Variants in RTN4 observed in about 807,000 individuals in gnomAD.
The protein encoded by RTN4 is reticulon-4.
In RTN4, 32 loss-of-function variants were observed where a neutral mutation model predicts 90.4. That is an observed-to-expected ratio of 0.35 (90% CI 0.27 to 0.48). RTN4 has a LOEUF of 0.48. Among genes scored for constraint, RTN4 ranks in the 20% least tolerant of loss-of-function variants. The pLI is 0.99. For synonymous variants in RTN4, 629 were observed against 552.5 expected (o/e 1.14, Z -1.94); for missense variants, 1,706 against 1,430.2 (o/e 1.19, Z -3.11).
At chr2:55,111,187 T>A (rs1172036586) in intron 1 of RTN4, among the ~76,000 whole-genome samples, 1 of 152,220 alleles carries the variant, frequency 6.6e-6, no homozygotes, top group Non-Finnish European at 1.5e-5. Context: ...AGCTGCAAAG[T>A]TGCTTTTTAT....
intron 1 of RTN4, among the ~76,000 whole-genome samples, chr2:55,048,336 T>C (rs946517820): frequency 1.3e-5 from 2 of 152,220 alleles, no homozygotes; most frequent in African/African-American, 4.8e-5. Context: ...ACTAAATTTA[T>C]CTTTAGATAT....
At chr2:55,012,963 T>C (rs1349775730) in intron 3 of RTN4, among the ~76,000 whole-genome samples, 1 of 152,212 alleles carries the variant, frequency 6.6e-6, no homozygotes, top group Non-Finnish European at 1.5e-5. Flanking sequence ...TTTATTTTGT[T>C]TTCCTTCAAC....
chr2:54,974,643 T>G (rs1677460275), intron 6 of RTN4, 52 bp downstream of exon 6: 2 of 1,363,204 alleles, frequency 1.5e-6, no homozygotes, highest in East Asian at 4.6e-5. Flanking sequence ...TCTAAGCTCC[T>G]GGCACACAAT....
chr2:54,992,331 G>C (rs1338661734), intron 3 of RTN4, among the ~76,000 whole-genome samples: 1 of 152,190 alleles, frequency 6.6e-6, no homozygotes, highest in Non-Finnish European at 1.5e-5. Flanking sequence ...TGAAGGCTTA[G>C]CTGATTAAAG....
chr2:54,995,922 C>T (rs548032689), intron 3 of RTN4, among the ~76,000 whole-genome samples: 2 of 152,038 alleles, frequency 1.3e-5, no homozygotes, highest in South Asian at 4.2e-4. Context: ...CGAAACAACA[C>T]TGAACAAAAC....
At chr2:54,982,720 A>G in intron 4 of RTN4, 67 bp from the exon 5 acceptor site, 2 of 1,471,758 alleles carry the variant, frequency 1.4e-6, no homozygotes, top group Admixed American at 2.3e-5. Context: ...TCAATCAGAA[A>G]TTATATATCT....
intron 1 of RTN4, among the ~76,000 whole-genome samples, chr2:55,036,328 G>A (rs191057186): frequency 3.3e-5 from 5 of 151,998 alleles, no homozygotes; most frequent in Non-Finnish European, 5.9e-5. Context: ...TAGGTCGCAC[G>A]CAGTGGCTCA....
At chr2:54,976,412 T>G (rs897136012) in intron 5 of RTN4, among the ~76,000 whole-genome samples, 1 of 152,098 alleles carries the variant, frequency 6.6e-6, no homozygotes. Context: ...GCCAGGCAGG[T>G]GACATACATG....
intron 3 of RTN4, among the ~76,000 whole-genome samples, chr2:55,021,228 C>T (rs892818377): frequency 6.6e-6 from 1 of 152,084 alleles, no homozygotes; most frequent in African/African-American, 2.4e-5. Context: ...CATTTGACTT[C>T]AGTACACTTG....
upstream of RTN4, among the ~76,000 whole-genome samples, chr2:55,114,415 C>T (rs1238885898): frequency 1.3e-5 from 2 of 152,160 alleles, no homozygotes; most frequent in Non-Finnish European, 2.9e-5. Context: ...TGATTAACTC[C>T]AGGCCGGGCG....
chr2:55,056,902 C>G (rs1352915685), intron 2 of RTN4, among the ~76,000 whole-genome samples: 1 of 152,128 alleles, frequency 6.6e-6, no homozygotes, highest in Non-Finnish European at 1.5e-5. Flanking sequence ...AATGGAGAAT[C>G]AGAGGTTATG....
intron 3 of RTN4, among the ~76,000 whole-genome samples, chr2:55,024,345 G>T (rs1222215145): frequency 6.6e-6 from 1 of 152,116 alleles, no homozygotes; most frequent in Non-Finnish European, 1.5e-5. Flanking sequence ...CAATGGTGAT[G>T]AGCTGGACTG....
intron 1 of RTN4, among the ~76,000 whole-genome samples, chr2:55,082,644 A>C (rs1205501006): frequency 4.6e-5 from 7 of 152,254 alleles, no homozygotes. Context: ...AGTTCTATGC[A>C]TCATAAACCA....
intron 1 of RTN4, among the ~76,000 whole-genome samples, chr2:55,042,710 G>C (rs1026079849): frequency 6.6e-6 from 1 of 152,152 alleles, no homozygotes; most frequent in Non-Finnish European, 1.5e-5. Context: ...AGATATTATA[G>C]TAATTCTAGA....
chr2:55,040,564 C>T (rs148151308), intron 1 of RTN4, among the ~76,000 whole-genome samples: 7 of 152,208 alleles, frequency 4.6e-5, no homozygotes, highest in East Asian at 1.9e-4. Context: ...AGAAAGAACA[C>T]GTAGGCAGAC....
intron 4 of RTN4, among the ~76,000 whole-genome samples, chr2:54,983,358 T>A (rs1678301423): frequency 7.1e-6 from 1 of 140,902 alleles, no homozygotes; most frequent in East Asian, 2.0e-4. Context: ...TAAATAAAAA[T>A]ACTATACTGG....
chr2:55,032,332 G>C (rs1002598069), intron 1 of RTN4, among the ~76,000 whole-genome samples: 2 of 152,118 alleles, frequency 1.3e-5, no homozygotes, highest in African/African-American at 4.8e-5. Flanking sequence ...GCCAGCCTCA[G>C]CTTCCCAAAG....
intron 3 of RTN4, among the ~76,000 whole-genome samples, chr2:54,996,393 G>C (rs1161929880): frequency 6.6e-6 from 1 of 152,110 alleles, no homozygotes; most frequent in African/African-American, 2.4e-5. Flanking sequence ...ACTTGAAAAA[G>C]TACAACAAAG....
At chr2:55,042,688 T>C (rs1253646305) in intron 1 of RTN4, among the ~76,000 whole-genome samples, 1 of 152,196 alleles carries the variant, frequency 6.6e-6, no homozygotes, top group East Asian at 1.9e-4. Flanking sequence ...ATTTGGGATT[T>C]TTATTGAGAG....
Sources: gnomAD v4.1 joint callset for allele counts (sites outside exome capture counted in the v4.1 genomes callset) on GRCh38, gnomAD v4.1.1 for gene constraint, MANE v1.5 for transcripts, NCBI Gene and HGNC (gene_info 2026-07-23, HGNC 2026-07-21) for gene names.